SLC25A28: variants seen among roughly 807,000 people sequenced by gnomAD.
SLC25A28 encodes mitoferrin-2.
A neutral mutation model predicts 31.9 loss-of-function variants in SLC25A28; 10 were observed. The ratio of observed to expected loss-of-function variants is 0.31; its 90% confidence interval spans 0.19 to 0.53. The LOEUF (loss-of-function observed/expected upper bound fraction) is 0.53, where lower values mean the gene tolerates loss of function less well. Among genes scored for constraint, SLC25A28 ranks in the 20% least tolerant of loss-of-function variants. The pLI, the probability that SLC25A28 is intolerant of heterozygous loss-of-function variation, is 0.95. For synonymous variants in SLC25A28, 208 were observed against 203.6 expected (o/e 1.02, Z -0.19); for missense variants, 256 against 490.3 (o/e 0.52, Z 4.51).
chr10:99,610,702 T>C lies in SLC25A28; in HGVS notation c.*147A>G. The C allele has an allele frequency of 1.1e-6, 1 of 948,946 alleles. No homozygotes were observed. The allele number at this position is 948,946 out of a possible 1,614,324, so 58.8% of individuals were successfully genotyped here. On this transcript the variant is annotated 3_prime_UTR_variant, in exon 4 of 4. Coordinates refer to ENST00000370495, the MANE Select transcript of SLC25A28 (RefSeq NM_031212.4). ...GGTGGCAACAGAGGTTGGCAGGAAC[T>C]GGTGTTAGTCAAAACACCAAAATCC... is the stretch of plus-strand genomic sequence containing the variant.
At chr10:99,626,198 A>G in the SLC25A28 span, among the ~76,000 whole-genome samples, 4 of 152,230 alleles carry the variant, frequency 2.6e-5, no homozygotes, top group Non-Finnish European at 5.9e-5. Flanking sequence ...CAGCAGCCAC[A>G]CATGAAAATA....
the SLC25A28 span, among the ~76,000 whole-genome samples, chr10:99,656,508 T>C: frequency 5.9e-5 from 9 of 151,910 alleles, no homozygotes; most frequent in Non-Finnish European, 5.9e-5. Flanking sequence ...TTTGGGACAA[T>C]GGGGTGCCTG....
intron 1 of SLC25A28, 142 bp downstream of exon 1, chr10:99,619,902 TG>T: frequency 1.3e-6 from 1 of 770,778 alleles, no homozygotes; most frequent in African/African-American, 1.8e-5. Context: ...TTGAATGGAG[TG>T]TCGGTTCGAA....
At chr10:99,644,117 T>G in the SLC25A28 span, among the ~76,000 whole-genome samples, 2 of 152,320 alleles carry the variant, frequency 1.3e-5, no homozygotes, top group South Asian at 4.1e-4. Context: ...TTCCTGGATA[T>G]CCTTGTTAAC....
At chr10:99,658,628 C>G in the SLC25A28 span, among the ~76,000 whole-genome samples, 1 of 152,022 alleles carries the variant, frequency 6.6e-6, no homozygotes, top group South Asian at 2.1e-4. Flanking sequence ...TTATTCAAGG[C>G]AGGTGGAGGG....
chr10:99,620,819 C>T, upstream of SLC25A28: 1 of 985,488 alleles, frequency 1.0e-6, no homozygotes, highest in Non-Finnish European at 1.2e-6. Flanking sequence ...CGCCCAGGGA[C>T]TCTAGGGGCC....
At chr10:99,615,153 G>A (rs1208504710) in intron 1 of SLC25A28, among the ~76,000 whole-genome samples, 5 of 152,060 alleles carry the variant, frequency 3.3e-5, no homozygotes, top group Admixed American at 1.3e-4. Flanking sequence ...TCAGGAGTTC[G>A]AGACCAGCCT....
Position 99,613,973 on chromosome 10 carries a change from G to GC in SLC25A28, c.292-50dup. The GC allele has an allele frequency of 6.6e-7, 1 of 1,513,436 alleles. No homozygotes were observed. Among genetic ancestry groups the GC allele is most frequent in the Non-Finnish European group, 8.9e-7 (1 of 1,128,814 alleles). 93.8% of individuals were successfully genotyped at this position (1,513,436 alleles called of 1,614,324 possible). The stretch of plus-strand genomic sequence containing the variant: ...GCAATGTCAGCAATGCCAACTTCTC[G>GC]CCCCACCTCAACACACTGGGCAGAC... On this transcript the variant is annotated intron_variant, in intron 1 of 3. Transcript: ENST00000370495. This position sits in a 1 kb window ranked among gnomAD's most constrained non-coding sequence, Gnocchi z 4.9.
chr10:99,624,152 T>TTC (rs2034839843), upstream of SLC25A28, among the ~76,000 whole-genome samples: 1 of 145,692 alleles, frequency 6.9e-6, no homozygotes, highest in African/African-American at 2.5e-5. Context: ...TCTTTTTCTT[T>TTC]CTTTCTTCCT....
the SLC25A28 span, among the ~76,000 whole-genome samples, chr10:99,642,875 T>C: frequency 6.6e-6 from 1 of 152,206 alleles, no homozygotes; most frequent in South Asian, 2.1e-4. Flanking sequence ...TGTTTATTAA[T>C]TTGCATATGT....
upstream of SLC25A28, chr10:99,621,661 C>G (rs926817989): frequency 2.0e-5 from 3 of 152,410 alleles, no homozygotes; most frequent in Non-Finnish European, 4.4e-5. Context: ...TTTGCCTTCC[C>G]CGAGCGTGTT....
the SLC25A28 span, among the ~76,000 whole-genome samples, chr10:99,647,841 G>C: frequency 1.3e-5 from 2 of 152,124 alleles, no homozygotes; most frequent in African/African-American, 2.4e-5. Flanking sequence ...TATGGCGAGA[G>C]GTATGGGTCT....
Position 99,620,393 on chromosome 10 carries a change from G to A in SLC25A28, c.-58C>T. Reference sequence around the variant, plus strand: ...CGCCGCTGCCACCACTGCCGCCGCCGCCCCCCGGCCCCGTAGTGTCCGCCT... The same window carrying A: ...CGCCGCTGCCACCACTGCCGCCGCCACCCCCCGGCCCCGTAGTGTCCGCCT... On this transcript the variant is annotated 5_prime_UTR_variant, in exon 1 of 4. Coordinates refer to ENST00000370495, the MANE Select transcript of SLC25A28 (RefSeq NM_031212.4). 1 of 987,086 alleles carries A rather than the reference G, an allele frequency of 1.0e-6. No individual in the cohort carries two copies. The highest frequency in any genetic ancestry group is 1.2e-6 in the Non-Finnish European group (1 of 841,880). The allele number at this position is 987,086 out of a possible 1,614,324, so 61.1% of individuals were successfully genotyped here.
the SLC25A28 span, among the ~76,000 whole-genome samples, chr10:99,635,401 G>A: frequency 6.6e-6 from 1 of 152,186 alleles, no homozygotes; most frequent in Admixed American, 6.5e-5. Context: ...CTCACCAACT[G>A]CTGGGCACGA....
chr10:99,644,805 CATGTATGT>C, the SLC25A28 span, among the ~76,000 whole-genome samples: 1 of 152,150 alleles, frequency 6.6e-6, no homozygotes, highest in East Asian at 1.9e-4. Context: ...ATTTCTCCTT[CATGTATGT>C]AGCTTAGTTT....
rs1361170064 is a variant in SLC25A28 at position 99,612,523 on chromosome 10, A to C, written c.577+20T>G. The C allele has an allele frequency of 6.2e-7, 1 of 1,613,714 alleles. No individual in the cohort carries two copies. The highest frequency in any genetic ancestry group is 1.1e-5 in the South Asian group (1 of 91,078). ...TACAGGTGCAGCTGCCCACAGAGTGATAGGTTGAGGAATCATTACCTTCCG... is the reference window on the plus strand; with the variant it reads ...TACAGGTGCAGCTGCCCACAGAGTGCTAGGTTGAGGAATCATTACCTTCCG... On this transcript the variant is annotated intron_variant, in intron 3 of 3. Coordinates refer to ENST00000370495, the MANE Select transcript of SLC25A28 (RefSeq NM_031212.4).
the SLC25A28 span, among the ~76,000 whole-genome samples, chr10:99,635,009 C>G: frequency 2.0e-5 from 3 of 152,188 alleles, no homozygotes; most frequent in Admixed American, 2.0e-4. Flanking sequence ...TCAAACAAAA[C>G]AATTATCAGC....
At chr10:99,618,655 G>A (rs1416781165) in intron 1 of SLC25A28, 8 of 985,204 alleles carry the variant, frequency 8.1e-6, no homozygotes, top group Non-Finnish European at 9.6e-6. Context: ...ACATTCTAAT[G>A]TCCATTTTAG....
At chr10:99,615,419 C>G (rs980808666) in intron 1 of SLC25A28, 5 of 983,264 alleles carry the variant, frequency 5.1e-6, no homozygotes, top group Non-Finnish European at 6.0e-6. Flanking sequence ...AGAGTAATAC[C>G]TTTCCTCAAG....
Sources: allele counts gnomAD v4.1 joint callset (sites outside exome capture counted in the v4.1 genomes callset), GRCh38; gene constraint gnomAD v4.1.1; non-coding constraint Gnocchi (gnomAD v3.1); transcripts MANE v1.5; gene names NCBI Gene and HGNC (gene_info 2026-07-23, HGNC 2026-07-21).